GDNF: variants seen among roughly 807,000 people sequenced by gnomAD.
GDNF encodes the protein glial cell derived neurotrophic factor.
GDNF carries 5 observed loss-of-function variants against 13.7 expected under a neutral mutation model. The observed-to-expected ratio is 0.36, with a 90% CI of 0.19 to 0.77. The LOEUF is 0.77. GDNF is among the 30% of genes least tolerant of loss of function. GDNF has a pLI of 0.51. For synonymous variants in GDNF, 122 were observed against 112.5 expected (o/e 1.08, Z -0.53); for missense variants, 246 against 274.3 (o/e 0.90, Z 0.73).
chr5:37,834,466 C>G (rs1750625455), intron 2 of GDNF, among the ~76,000 whole-genome samples, 180 bp downstream of exon 2: 1 of 152,154 alleles, frequency 6.6e-6, no homozygotes, highest in African/African-American at 2.4e-5. Flanking sequence ...TCAGGCCAGG[C>G]GTGCGGGCAG....
chr5:37,816,209 C>A (rs1228125951), intron 2 of GDNF, 74 bp from the exon 3 acceptor site: 17 of 1,527,764 alleles, frequency 1.1e-5, no homozygotes, highest in Admixed American at 3.4e-5. Context: ...GATCAAAGTG[C>A]CCCCCTAAAG....
At chr5:37,825,785 T>G (rs1222939462) in intron 2 of GDNF, among the ~76,000 whole-genome samples, 1 of 152,110 alleles carries the variant, frequency 6.6e-6, no homozygotes, top group Non-Finnish European at 1.5e-5. Flanking sequence ...GTAAAAGGCA[T>G]GTAAGGGTCT....
At position 37,835,525 on chromosome 5, in the gene GDNF, G is replaced by A. The variant is rs551873996; in HGVS notation, c.-26-703C>T. On this transcript the variant is annotated intron_variant, in intron 1 of 2. Transcript: ENST00000326524. ...GGTTTAAGTTACTTAACTTCCCAAA[G>A]CACTGATTCGATTTAAAATACTCCT... 4.6e-4 allele frequency: 684 copies of A among 1,486,088 alleles called. 7 individuals carry two copies. In the South Asian group the frequency reaches 8.0e-3, roughly 17 times the overall value. 92.1% of individuals were successfully genotyped at this position (1,486,088 alleles called of 1,614,324 possible).
At chr5:37,825,813 A>G (rs777753941) in intron 2 of GDNF, among the ~76,000 whole-genome samples, 12 of 152,216 alleles carry the variant, frequency 7.9e-5, no homozygotes, top group Non-Finnish European at 1.8e-4. Context: ...TTGAACAAGA[A>G]GGAGGGACTA....
In GDNF at chr5:37,834,812, G is replaced by T; in HGVS notation, c.-16C>A. 1.9e-6 allele frequency: 3 copies of T among 1,612,432 alleles called. No homozygotes were observed. The highest frequency in any genetic ancestry group is 2.5e-6 in the Non-Finnish European group (3 of 1,179,322). ...ATAACTTCATCTTAAAGTCCCGTCC[G>T]GCGGCGGCACCTGCGCGGGCAGGCG... On this transcript the variant is annotated 5_prime_UTR_variant, in exon 2 of 3. Coordinates refer to ENST00000326524, the MANE Select transcript of GDNF (RefSeq NM_000514.4).
intron 2 of GDNF, chr5:37,823,212 C>G (rs1277324117): frequency 6.6e-6 from 1 of 152,176 alleles, no homozygotes; most frequent in Non-Finnish European, 1.5e-5. Flanking sequence ...AAATGTGGAC[C>G]TGGTGGTTCA....
In GDNF at chr5:37,833,373, G is replaced by A. The variant is rs559393594; in HGVS notation, c.151+1273C>T. 1.8e-3 allele frequency among the ~76,000 whole-genome samples: 272 copies of A among 152,322 alleles called. 1 individual carries two copies. Among genetic ancestry groups the A allele is most frequent in the African/African-American group, 6.3e-3 (261 of 41,572 alleles). Reference sequence around the variant, plus strand: ...AGTAGGTTTATACAGTTAATTGACAGACACTCTTGGAACAGGTACTTTAGT... The same window carrying A: ...AGTAGGTTTATACAGTTAATTGACAAACACTCTTGGAACAGGTACTTTAGT... On this transcript the variant is annotated intron_variant, in intron 2 of 2. Coordinates refer to ENST00000326524, the MANE Select transcript of GDNF (RefSeq NM_000514.4).
intron 2 of GDNF, among the ~76,000 whole-genome samples, chr5:37,816,357 C>A (rs1225084734): frequency 6.6e-6 from 1 of 152,182 alleles, no homozygotes; most frequent in Non-Finnish European, 1.5e-5. Context: ...TGGTGACATA[C>A]TTTCTCGAAG....
chr5:37,826,121 C>T (rs1273094610), intron 2 of GDNF, among the ~76,000 whole-genome samples: 7 of 152,176 alleles, frequency 4.6e-5, no homozygotes, highest in Non-Finnish European at 8.8e-5. Context: ...TCAGGCTGCC[C>T]TGTGTCCAGA....
chr5:37,815,624 A>T lies in GDNF; in HGVS notation c.*27T>A. 6.2e-7 allele frequency: 1 copy of T among 1,607,050 alleles called. No individual in the cohort carries two copies. The highest frequency in any genetic ancestry group is 2.2e-5 in the East Asian group (1 of 44,854). On this transcript the variant is annotated 3_prime_UTR_variant, in exon 3 of 3. Transcript: ENST00000326524. The surrounding 1 kb of genome is among the most constrained non-coding windows in gnomAD (Gnocchi z 5.0). Reference sequence around the variant, plus strand: ...TTTCTTTGCACTGTAGCAGGAATGCAATACACAGCAGTCTCTGGAGCCGGA... The same window carrying T: ...TTTCTTTGCACTGTAGCAGGAATGCTATACACAGCAGTCTCTGGAGCCGGA...
intron 2 of GDNF, among the ~76,000 whole-genome samples, chr5:37,819,840 A>G (rs1290290437): frequency 6.6e-6 from 1 of 152,172 alleles, no homozygotes; most frequent in African/African-American, 2.4e-5. Flanking sequence ...AAACAAAACA[A>G]CAACATTAAA....
At chr5:37,829,576 C>A (rs1374998262) in intron 2 of GDNF, among the ~76,000 whole-genome samples, 3 of 152,136 alleles carry the variant, frequency 2.0e-5, no homozygotes, top group Non-Finnish European at 4.4e-5. Flanking sequence ...ATATTTGTTT[C>A]CTGATTAAGC....
rs1341439212 is a variant in GDNF at position 37,837,953 on chromosome 5, A to C, written c.-27+1554T>G. Among the ~76,000 whole-genome samples, 2 of 149,396 alleles carry C rather than the reference A, an allele frequency of 1.3e-5. No individual in the cohort carries two copies. Among genetic ancestry groups the C allele is most frequent in the Admixed American group, 1.3e-4 (2 of 15,074 alleles). ...AGATCCAGGTCTCAGAGAGAGAAAA[A>C]GGAGGCGGTGGGGCGGGGAGACGGG... On this transcript the variant is annotated intron_variant, in intron 1 of 2. Transcript: ENST00000326524. This position sits in a 1 kb window ranked among gnomAD's most constrained non-coding sequence, Gnocchi z 6.5.
intron 2 of GDNF, among the ~76,000 whole-genome samples, chr5:37,833,686 G>A (rs901126750): frequency 1.3e-5 from 2 of 152,144 alleles, no homozygotes; most frequent in African/African-American, 2.4e-5. Context: ...TGGCGTTAGG[G>A]AGGGAAGAGT....
At chr5:37,834,195 C>T (rs1238888871) in intron 2 of GDNF, among the ~76,000 whole-genome samples, 1 of 152,250 alleles carries the variant, frequency 6.6e-6, no homozygotes, top group Non-Finnish European at 1.5e-5. Context: ...GCCGGCCTCT[C>T]GCCTTGCAGG....
chr5:37,834,557 C>G, intron 2 of GDNF, 89 bp downstream of exon 2: 1 of 1,195,944 alleles, frequency 8.4e-7, no homozygotes, highest in South Asian at 1.7e-5. Flanking sequence ...AGCCATCAGG[C>G]TGGCTTGGGG....
At chr5:37,827,868 G>T (rs563020774) in intron 2 of GDNF, among the ~76,000 whole-genome samples, 96 of 152,310 alleles carry the variant, frequency 6.3e-4, no homozygotes, top group Non-Finnish European at 1.2e-3. Flanking sequence ...ATGACATCTG[G>T]TGTAACTATT....
In GDNF at chr5:37,815,318, G is replaced by A. The variant is rs1436499934; in HGVS notation, c.*333C>T. The stretch of plus-strand genomic sequence containing the variant: ...CGCAACCGCGCCGGTAATCAGTGAT[G>A]GTGGACTGTATCAGCTGAAATGGTG... On this transcript the variant is annotated 3_prime_UTR_variant, in exon 3 of 3. Coordinates refer to ENST00000326524, the MANE Select transcript of GDNF (RefSeq NM_000514.4). This position sits in a 1 kb window ranked among gnomAD's most constrained non-coding sequence, Gnocchi z 5.0. 7.3e-6 allele frequency: 3 copies of A among 408,582 alleles called. No individual in the cohort carries two copies. The highest frequency in any genetic ancestry group is 1.4e-5 in the Non-Finnish European group (3 of 219,592). The allele number at this position is 408,582 out of a possible 1,614,324, so 25.3% of individuals were successfully genotyped here. A position where few individuals can be genotyped will look rare whatever the true frequency, so the allele number is the denominator to read the frequency against.
chr5:37,833,605 C>A (rs939234451), intron 2 of GDNF, among the ~76,000 whole-genome samples: 20 of 152,286 alleles, frequency 1.3e-4, no homozygotes, highest in Non-Finnish European at 4.4e-5. Flanking sequence ...CTGACTACTG[C>A]AGGACTACTA....
Sources: allele counts gnomAD v4.1 joint callset (sites outside exome capture counted in the v4.1 genomes callset), GRCh38; gene constraint gnomAD v4.1.1; non-coding constraint Gnocchi (gnomAD v3.1); transcripts MANE v1.5; gene names NCBI Gene and HGNC (gene_info 2026-07-23, HGNC 2026-07-21).